CCDC88C: variants seen among roughly 807,000 people sequenced by gnomAD.
CCDC88C encodes the protein coiled-coil and HOOK domain protein 88C.
In CCDC88C, 131 loss-of-function variants were observed where a neutral mutation model predicts 198.8. That is an observed-to-expected ratio of 0.66 (90% CI 0.57 to 0.76). CCDC88C has a LOEUF of 0.76. Ranked by LOEUF, CCDC88C falls within the 30% of genes least tolerant of loss-of-function variation. The pLI, the probability that CCDC88C is intolerant of heterozygous loss-of-function variation, is 0.00. For synonymous variants in CCDC88C, 1,166 were observed against 1,114.7 expected (o/e 1.05, Z -0.92); for missense variants, 2,553 against 2,631.6 (o/e 0.97, Z 0.65).
intron 2 of CCDC88C, among the ~76,000 whole-genome samples, chr14:91,415,675 A>G (rs1334075894): frequency 6.6e-6 from 1 of 151,896 alleles, no homozygotes; most frequent in African/African-American, 2.4e-5. Context: ...AGCTGAGATC[A>G]CGCCATTGCA....
intron 3 of CCDC88C, among the ~76,000 whole-genome samples, chr14:91,360,029 T>C (rs1023186008): frequency 6.6e-6 from 1 of 152,186 alleles, no homozygotes; most frequent in Non-Finnish European, 1.5e-5. Flanking sequence ...TAGAGAGGTC[T>C]TGGAAAAAAA....
At chr14:91,402,570 C>T (rs1886267601) in intron 3 of CCDC88C, among the ~76,000 whole-genome samples, 1 of 152,112 alleles carries the variant, frequency 6.6e-6, no homozygotes, top group Non-Finnish European at 1.5e-5. Context: ...CACACATAAA[C>T]ACAGCAAGCG....
chr14:91,308,552 T>C, intron 16 of CCDC88C, 60 bp from the exon 17 acceptor site: 5 of 1,529,262 alleles, frequency 3.3e-6, no homozygotes, highest in South Asian at 1.1e-5. Context: ...AAGTTCCCAG[T>C]GTCCTCGCTG....
intron 24 of CCDC88C, among the ~76,000 whole-genome samples, chr14:91,290,156 C>T (rs961119898): frequency 6.6e-6 from 1 of 152,212 alleles, no homozygotes; most frequent in Non-Finnish European, 1.5e-5. Flanking sequence ...CCTGTAATCC[C>T]AGCTACTCGG....
chr14:91,352,183 C>G lies in CCDC88C; in HGVS notation c.340+7459G>C, dbSNP rs1351943607. Among the ~76,000 whole-genome samples the G allele has an allele frequency of 1.3e-5, 2 of 152,260 alleles. No individual in the cohort carries two copies. Among genetic ancestry groups the G allele is most frequent in the East Asian group, 1.9e-4 (1 of 5,198 alleles). On this transcript the variant is annotated intron_variant, in intron 4 of 29. Transcript: ENST00000389857. The surrounding 1 kb of genome is among the most constrained non-coding windows in gnomAD (Gnocchi z 4.2). ...ACGGCGGTGGCCACAGAGAGTAGGG[C>G]TGCTGGAAGCCATGGTGTGGCTGTT...
At chr14:91,333,473 G>C (rs546920670) in intron 10 of CCDC88C, among the ~76,000 whole-genome samples, 1 of 152,130 alleles carries the variant, frequency 6.6e-6, no homozygotes, top group East Asian at 1.9e-4. Flanking sequence ...TTGGGATTTC[G>C]AATTGGTAAA....
intron 10 of CCDC88C, among the ~76,000 whole-genome samples, chr14:91,335,286 C>T (rs988854272): frequency 6.6e-6 from 1 of 152,144 alleles, no homozygotes; most frequent in African/African-American, 2.4e-5. Context: ...CCACCCGCCT[C>T]GTGAAAATGC....
At position 91,273,292 on chromosome 14, in the gene CCDC88C, AGGCTGAAGGCCC is replaced by A. The variant is rs1211203323; in HGVS notation, c.5408_5419del (p.Arg1803_Ser1806del). The A allele has an allele frequency of 5.8e-6, 9 of 1,558,092 alleles. No individual in the cohort carries two copies. The highest frequency in any genetic ancestry group is 1.4e-5 in the African/African-American group (1 of 73,530). ...GGCCCGGAGAAGGTCAGCTGAGGCCAGGCTGAAGGCCCGGCTCAAGGAGGCACTGCGGCTGGC... is the reference window on the plus strand; with the variant it reads ...GGCCCGGAGAAGGTCAGCTGAGGCCAGGCTCAAGGAGGCACTGCGGCTGGC... On this transcript the variant is annotated inframe_deletion, in exon 30 of 30. Transcript: ENST00000389857. The surrounding 1 kb of genome is among the most constrained non-coding windows in gnomAD (Gnocchi z 5.6).
In CCDC88C at chr14:91,324,905, T is replaced by C. The variant is rs1197282164; in HGVS notation, c.1216A>G (p.Lys406Glu). The C allele has an allele frequency of 6.2e-7, 1 of 1,613,718 alleles. No individual in the cohort carries two copies. Among genetic ancestry groups the C allele is most frequent in the Non-Finnish European group, 8.5e-7 (1 of 1,179,866 alleles). The change falls in exon 12 of 30, where the codon AAA becomes GAA. Residue 406 changes from lysine to glutamate, a missense_variant. By Grantham distance (56) the Lys-to-Glu change is moderately conservative. Coordinates refer to ENST00000389857, the MANE Select transcript of CCDC88C (RefSeq NM_001080414.4). ...TCTTCCAGCAGCTCCTCAATTCGTT[T>C]CTTATCTGTGTCCCGGTCCTGGGGC... ...DLELDRDTDKKRIEELLEENM... is the reference protein window; with the variant it reads ...DLELDRDTDKERIEELLEENM...
chr14:91,389,229 G>A (rs151255385), intron 3 of CCDC88C, among the ~76,000 whole-genome samples: 1 of 152,254 alleles, frequency 6.6e-6, no homozygotes, highest in Non-Finnish European at 1.5e-5. Flanking sequence ...ACGGTGAGGA[G>A]GGAAAATGGC....
At chr14:91,274,545 G>T (rs113923229) in intron 29 of CCDC88C, among the ~76,000 whole-genome samples, 1 of 152,222 alleles carries the variant, frequency 6.6e-6, no homozygotes, top group Admixed American at 6.5e-5. Context: ...CTGAAGGCGG[G>T]TTGGTAGCTC....
Position 91,352,583 on chromosome 14 carries a change from T to G in CCDC88C, c.340+7059A>C, listed in dbSNP as rs894313247. Among the ~76,000 whole-genome samples the G allele has an allele frequency of 6.6e-6, 1 of 152,222 alleles. No individual in the cohort carries two copies. The highest frequency in any genetic ancestry group is 2.4e-5 in the African/African-American group (1 of 41,440). ...AATGCCTGCAAGATTAGCTTTTTCT[T>G]ATTTCTTCCCTCCCATTCAAACGCC... On this transcript the variant is annotated intron_variant, in intron 4 of 29. Transcript: ENST00000389857. This position sits in a 1 kb window ranked among gnomAD's most constrained non-coding sequence, Gnocchi z 4.2.
chr14:91,361,843 A>C (rs1056358934), intron 3 of CCDC88C, among the ~76,000 whole-genome samples: 1 of 152,210 alleles, frequency 6.6e-6, no homozygotes, highest in African/African-American at 2.4e-5. Flanking sequence ...TACACCAGTA[A>C]AATCAGTGAA....
chr14:91,377,546 C>G (rs1310807275), intron 3 of CCDC88C, among the ~76,000 whole-genome samples: 2 of 148,990 alleles, frequency 1.3e-5, no homozygotes, highest in African/African-American at 5.0e-5. Context: ...ATGCAGATGG[C>G]CCCCCCCCGG....
At chr14:91,401,264 CATTATATATATTATAT>C (rs1567123749) in intron 3 of CCDC88C, among the ~76,000 whole-genome samples, 3 of 143,060 alleles carry the variant, frequency 2.1e-5, no homozygotes, top group African/African-American at 7.7e-5. Flanking sequence ...ATAATATATA[CATTATATATATTATAT>C]ATTATATACA....
chr14:91,305,349 T>C (rs1403020317), intron 19 of CCDC88C, among the ~76,000 whole-genome samples: 1 of 152,168 alleles, frequency 6.6e-6, no homozygotes, highest in East Asian at 1.9e-4. Context: ...ACTTCCCTCT[T>C]AGAGATTAAA....
chr14:91,378,799 ATCAC>A (rs1419647527), intron 3 of CCDC88C: 1 of 152,172 alleles, frequency 6.6e-6, no homozygotes, highest in African/African-American at 2.4e-5. Context: ...ATCCACCTAC[ATCAC>A]TGAAGTTATG....
chr14:91,397,618 T>G (rs1357462008), intron 3 of CCDC88C, among the ~76,000 whole-genome samples: 2 of 152,230 alleles, frequency 1.3e-5, no homozygotes, highest in Admixed American at 6.5e-5. Context: ...CCTGCCGCTC[T>G]GGGGTGAGGG....
At chr14:91,336,949 T>G (rs1481820571) in intron 10 of CCDC88C, among the ~76,000 whole-genome samples, 1 of 152,254 alleles carries the variant, frequency 6.6e-6, no homozygotes, top group African/African-American at 2.4e-5. Flanking sequence ...CTAAGAGGCC[T>G]TCTGGCTGGT....
Sources: gnomAD v4.1 joint callset for allele counts (sites outside exome capture counted in the v4.1 genomes callset) on GRCh38, gnomAD v4.1.1 for gene constraint, Gnocchi (gnomAD v3.1) non-coding constraint, MANE v1.5 for transcripts, NCBI Gene and HGNC (gene_info 2026-07-23, HGNC 2026-07-21) for gene names.